Variants in RPS29 observed in about 807,000 individuals in gnomAD.
RPS29 encodes the protein small ribosomal subunit protein uS14.
For missense variants in RPS29, 60 were observed against 75.7 expected (o/e 0.79, Z 0.77); for synonymous variants, 37 against 26.9 (o/e 1.37, Z -1.16).
intron 1 of RPS29, among the ~76,000 whole-genome samples, chr14:49,596,504 A>G (rs1395444747): frequency 1.3e-5 from 2 of 152,202 alleles, no homozygotes; most frequent in Non-Finnish European, 2.9e-5. Flanking sequence ...ACATCCAAGT[A>G]TTTAAACCAT....
chr14:49,576,985 T>G (rs1451960992), exon 3 of RPS29: 1 of 152,276 alleles, frequency 6.6e-6, no homozygotes, highest in African/African-American at 2.4e-5. Context: ...TACAAGCCTG[T>G]GATCCCAGCA....
At chr14:49,575,146 T>C (rs1346214143) in exon 3 of RPS29, 2 of 152,374 alleles carry the variant, frequency 1.3e-5, no homozygotes, top group African/African-American at 4.8e-5. Context: ...GTTCACGCCA[T>C]TCTCCTGCCT....
chr14:49,572,547 AT>A (rs1881079891), exon 3 of RPS29: 1 of 152,138 alleles, frequency 6.6e-6, no homozygotes, highest in Non-Finnish European at 1.5e-5. Flanking sequence ...ACTTAATGGA[AT>A]TTTTTCACTT....
chr14:49,597,394 TAC>T (rs900943600), intron 1 of RPS29: 1 of 152,206 alleles, frequency 6.6e-6, no homozygotes, highest in Non-Finnish European at 1.5e-5. Context: ...TAACAGTTTT[TAC>T]AGTTTTCCTA....
chr14:49,578,322 T>A (rs1881242324), intron 2 of RPS29, among the ~76,000 whole-genome samples: 1 of 152,118 alleles, frequency 6.6e-6, no homozygotes, highest in Non-Finnish European at 1.5e-5. Flanking sequence ...CACTGCAGTA[T>A]CTGGATACTC....
chr14:49,593,716 A>AAAAAG (rs11373559), intron 1 of RPS29, among the ~76,000 whole-genome samples: 3 of 148,612 alleles, frequency 2.0e-5, no homozygotes, highest in African/African-American at 7.5e-5. Flanking sequence ...AAAAAAAAAA[A>AAAAAG]GACGTTTTAA....
At chr14:49,575,517 G>C (rs796850055) in exon 3 of RPS29, 6 of 152,286 alleles carry the variant, frequency 3.9e-5, no homozygotes, top group South Asian at 2.1e-4. Context: ...TCTGCTCAAA[G>C]AATTTTCACC....
At chr14:49,588,876 CTTTTTTTTT>C (rs577408713), upstream of RPS29, among the ~76,000 whole-genome samples, 2 of 92,508 alleles carry the variant, frequency 2.2e-5, no homozygotes, top group African/African-American at 3.8e-5. Flanking sequence ...TTTCTGAGTC[CTTTTTTTTT>C]TTTTTTTTTT....
intron 1 of RPS29, among the ~76,000 whole-genome samples, chr14:49,592,738 G>A (rs991643306): frequency 2.7e-5 from 4 of 150,672 alleles, no homozygotes; most frequent in African/African-American, 9.8e-5. Context: ...GAGAAACCAC[G>A]TGTCTACGAA....
chr14:49,595,032 C>T (rs1881789292), intron 1 of RPS29, among the ~76,000 whole-genome samples: 1 of 152,180 alleles, frequency 6.6e-6, no homozygotes, highest in Admixed American at 6.5e-5. Flanking sequence ...CTTGCCATTT[C>T]GTGCATCCTG....
chr14:49,575,601 C>T (rs1322603263), exon 3 of RPS29: 5 of 152,202 alleles, frequency 3.3e-5, no homozygotes, highest in African/African-American at 1.2e-4. Flanking sequence ...GATCCCAACA[C>T]TTTGGGAGAC....
intron 1 of RPS29, 109 bp downstream of exon 1, chr14:49,586,176 T>A: frequency 7.1e-7 from 1 of 1,400,516 alleles, no homozygotes; most frequent in East Asian, 2.3e-5. Context: ...CACCAGCGAC[T>A]CCCAGTCGGC....
chr14:49,574,492 A>G (rs1457453142), exon 3 of RPS29: 2 of 152,166 alleles, frequency 1.3e-5, no homozygotes, highest in African/African-American at 2.4e-5. Flanking sequence ...GGGATCCTGC[A>G]TTACTGGTGG....
intron 1 of RPS29, 82 bp from the exon 2 acceptor site, chr14:49,586,131 G>C: frequency 2.1e-6 from 3 of 1,430,910 alleles, no homozygotes; most frequent in Non-Finnish European, 3.0e-6. Context: ...CGCATCCCGG[G>C]ACTCCCAAGC....
intron 2 of RPS29, chr14:49,585,388 G>A (rs1223760309): frequency 6.5e-6 from 1 of 152,698 alleles, no homozygotes; most frequent in East Asian, 1.9e-4. Flanking sequence ...AAAAACTTGG[G>A]GTCAGCGGTT....
chr14:49,577,429 T>C (rs201798211), exon 3 of RPS29: 124 of 363,842 alleles, frequency 3.4e-4, no homozygotes, highest in Middle Eastern at 9.4e-4. Flanking sequence ...GGCATTGGCA[T>C]TGGTGACTCT....
chr14:49,571,934 C>T (rs879710644), exon 3 of RPS29: 13 of 152,074 alleles, frequency 8.5e-5, no homozygotes, highest in Admixed American at 2.0e-4. Context: ...GAAACCCCTA[C>T]GTTTTATTGT....
At chr14:49,577,609 T>C (rs1881219238) in exon 3 of RPS29, 1 of 694,428 alleles carries the variant, frequency 1.4e-6, no homozygotes, top group Non-Finnish European at 2.6e-6. Flanking sequence ...CTTTGTCTTT[T>C]TGTTTCTCCC....
chr14:49,594,032 T>G (rs779935719), intron 1 of RPS29, among the ~76,000 whole-genome samples: 43 of 152,326 alleles, frequency 2.8e-4, no homozygotes, highest in South Asian at 6.2e-4. Flanking sequence ...TACTCTTAAT[T>G]CCATTCCCTC....
Sources: allele counts gnomAD v4.1 joint callset (sites outside exome capture counted in the v4.1 genomes callset), GRCh38; gene constraint gnomAD v4.1.1; transcripts MANE v1.5; gene names NCBI Gene and HGNC (gene_info 2026-07-23, HGNC 2026-07-21).